DLGAP1: variants seen among roughly 807,000 people sequenced by gnomAD.
DLGAP1 encodes the protein disks large-associated protein 1.
In DLGAP1, 11 loss-of-function variants were observed where a neutral mutation model predicts 90.8. That is an observed-to-expected ratio of 0.12 (90% confidence interval 0.08 to 0.20). The LOEUF (loss-of-function observed/expected upper bound fraction) is 0.20. Among genes scored for constraint, DLGAP1 ranks in the 10% least tolerant of loss-of-function variants. DLGAP1 has a pLI of 1.00. For synonymous variants in DLGAP1, 558 were observed against 540.7 expected (o/e 1.03, Z -0.44); for missense variants, 1,050 against 1,333.8 (o/e 0.79, Z 3.31).
chr18:4,259,244 G>A (rs1334555436), intron 1 of DLGAP1, among the ~76,000 whole-genome samples: 1 of 152,158 alleles, frequency 6.6e-6, no homozygotes, highest in Non-Finnish European at 1.5e-5. Context: ...GAGAAGAAAG[G>A]GAATCTGAGA....
intron 2 of DLGAP1, among the ~76,000 whole-genome samples, chr18:4,073,124 G>A (rs997272710): frequency 1.3e-5 from 2 of 152,172 alleles, no homozygotes; most frequent in African/African-American, 2.4e-5. Context: ...AAGAGGAGAA[G>A]TATAAACTGT....
chr18:4,372,915 G>C (rs1035372964), intron 1 of DLGAP1, among the ~76,000 whole-genome samples: 1 of 150,776 alleles, frequency 6.6e-6, no homozygotes, highest in South Asian at 2.1e-4. Context: ...GCCACAGAGC[G>C]AGACTCCATC....
At chr18:4,370,670 A>G (rs1329220793) in intron 1 of DLGAP1, among the ~76,000 whole-genome samples, 2 of 152,254 alleles carry the variant, frequency 1.3e-5, no homozygotes, top group African/African-American at 2.4e-5. Flanking sequence ...TGAGGAAGAG[A>G]GAGGAAGAAG....
At chr18:3,648,395 T>C (rs754249983) in intron 7 of DLGAP1, among the ~76,000 whole-genome samples, 10 of 152,214 alleles carry the variant, frequency 6.6e-5, no homozygotes, top group Non-Finnish European at 1.5e-4. Context: ...TCAAACAAAA[T>C]CAATACAAAA....
At chr18:4,345,748 G>A (rs2081291503) in intron 1 of DLGAP1, among the ~76,000 whole-genome samples, 1 of 152,154 alleles carries the variant, frequency 6.6e-6, no homozygotes, top group Non-Finnish European at 1.5e-5. Flanking sequence ...ATGCCTTTTT[G>A]TGCTAGCCTA....
chr18:4,357,088 TGC>T (rs1395805535), intron 1 of DLGAP1, among the ~76,000 whole-genome samples: 3 of 38,718 alleles, frequency 7.7e-5, no homozygotes, highest in Non-Finnish European at 2.3e-4. Context: ...TATATACGTG[TGC>T]GTGTGTGTGT....
chr18:3,995,414 G>A (rs1459449081), intron 3 of DLGAP1: 1 of 152,140 alleles, frequency 6.6e-6, no homozygotes, highest in African/African-American at 2.4e-5. Context: ...CTCTGGCAAT[G>A]CTCTACTCTT....
chr18:3,898,080 C>A (rs1000195022), intron 3 of DLGAP1, among the ~76,000 whole-genome samples: 2 of 152,352 alleles, frequency 1.3e-5, no homozygotes, highest in South Asian at 4.1e-4. Flanking sequence ...AGGCGTGAGC[C>A]ACTGCGCCCG....
intron 9 of DLGAP1, among the ~76,000 whole-genome samples, chr18:3,535,707 CAA>C (rs1410171070): frequency 1.8e-5 from 2 of 112,802 alleles, no homozygotes; most frequent in Non-Finnish European, 1.8e-5. Context: ...GATTCTGTCT[CAA>C]AAAAAAAAAA....
chr18:3,766,725 T>C (rs2064261526), intron 5 of DLGAP1, among the ~76,000 whole-genome samples: 1 of 152,068 alleles, frequency 6.6e-6, no homozygotes, highest in Non-Finnish European at 1.5e-5. Flanking sequence ...TAATAAGCCA[T>C]AGATAAAAGA....
chr18:3,520,347 G>A (rs1378408476), intron 10 of DLGAP1, among the ~76,000 whole-genome samples: 2 of 152,016 alleles, frequency 1.3e-5, no homozygotes, highest in Admixed American at 1.3e-4. Context: ...ATTCTAAGTG[G>A]GGCAACTCCT....
chr18:3,558,338 C>T (rs1408673899), intron 9 of DLGAP1, among the ~76,000 whole-genome samples: 1 of 152,088 alleles, frequency 6.6e-6, no homozygotes, highest in Non-Finnish European at 1.5e-5. Context: ...ATTCAAGTGA[C>T]TCTCCTGCCT....
chr18:4,395,269 A>G (rs2082415883), intron 1 of DLGAP1, among the ~76,000 whole-genome samples: 2 of 152,226 alleles, frequency 1.3e-5, no homozygotes, highest in Non-Finnish European at 1.5e-5. Context: ...CTTTTATGTA[A>G]TATTTTCTTT....
At chr18:4,074,035 G>C (rs2075488922) in intron 2 of DLGAP1, among the ~76,000 whole-genome samples, 1 of 152,274 alleles carries the variant, frequency 6.6e-6, no homozygotes, top group Middle Eastern at 3.4e-3. Context: ...CATAGGGATA[G>C]ATGGTTTTGA....
chr18:3,965,111 T>C (rs899734931), intron 3 of DLGAP1, among the ~76,000 whole-genome samples: 2 of 152,216 alleles, frequency 1.3e-5, no homozygotes, highest in Non-Finnish European at 2.9e-5. Flanking sequence ...CAAAGAGATC[T>C]TTGTAAACAA....
At chr18:4,306,033 T>C (rs377641057) in intron 1 of DLGAP1, among the ~76,000 whole-genome samples, 14 of 142,198 alleles carry the variant, frequency 9.8e-5, no homozygotes, top group East Asian at 4.1e-4. Flanking sequence ...CACACACAAA[T>C]ACACACACAC....
At chr18:3,946,562 T>A (rs981371266) in intron 3 of DLGAP1, among the ~76,000 whole-genome samples, 4 of 152,176 alleles carry the variant, frequency 2.6e-5, no homozygotes, top group African/African-American at 9.7e-5. Context: ...CACTATTATA[T>A]TAGTGATGGG....
chr18:4,280,628 A>G (rs1230117474), intron 1 of DLGAP1: 3 of 152,328 alleles, frequency 2.0e-5, no homozygotes, highest in East Asian at 1.9e-4. Context: ...ATTTCTGAAC[A>G]GTAATTTAAC....
chr18:4,280,742 A>G (rs2079530099), intron 1 of DLGAP1: 1 of 152,198 alleles, frequency 6.6e-6, no homozygotes, highest in Admixed American at 6.5e-5. Context: ...AGGAGGCTCC[A>G]TGATCTTACC....
Sources: gnomAD v4.1 joint callset for allele counts (sites outside exome capture counted in the v4.1 genomes callset) on GRCh38, gnomAD v4.1.1 for gene constraint, MANE v1.5 for transcripts, NCBI Gene and HGNC (gene_info 2026-07-23, HGNC 2026-07-21) for gene names.